SLC30A3: variants seen among roughly 807,000 people sequenced by gnomAD.
SLC30A3 encodes the protein probable proton-coupled zinc antiporter SLC30A3.
A neutral mutation model predicts 35.6 loss-of-function variants in SLC30A3; 20 were observed. The ratio of observed to expected loss-of-function variants is 0.56; its 90% CI spans 0.39 to 0.82. The LOEUF (loss-of-function observed/expected upper bound fraction) is 0.82, where lower values mean the gene tolerates loss of function less well. Among genes scored for constraint, SLC30A3 ranks in the 40% least tolerant of loss-of-function variants. The pLI, the probability that SLC30A3 is intolerant of heterozygous loss-of-function variation, is 0.00. For missense variants in SLC30A3, 401 were observed against 530.6 expected (o/e 0.76, Z 2.40); for synonymous variants, 217 against 224.7 (o/e 0.97, Z 0.31).
chr2:27,263,989 C>G (rs1677363873), upstream of SLC30A3: 1 of 1,271,062 alleles, frequency 7.9e-7, no homozygotes, highest in African/African-American at 1.5e-5. Context: ...AAACTAAAAC[C>G]CAGGGGAGGG....
Position 27,256,818 on chromosome 2 carries a change from G to A in SLC30A3, c.853C>T (p.Leu285Phe). 1 of 1,606,106 alleles carries A rather than the reference G, an allele frequency of 6.2e-7. No individual in the cohort carries two copies. Among genetic ancestry groups the A allele is most frequent in the Non-Finnish European group, 8.5e-7 (1 of 1,178,018 alleles). The change falls in exon 6 of 8, where the codon CTC becomes TTC. Residue 285 changes from leucine to phenylalanine, a missense_variant. By Grantham distance (22) the Leu-to-Phe change is conservative. This residue lies in a region of SLC30A3 where 296 missense variants were observed against 392.6 expected (regional missense o/e 0.75). Coordinates refer to ENST00000233535, the MANE Select transcript of SLC30A3 (RefSeq NM_003459.5). ...ICALGSTAPTLRDVLRILMEG... is the reference protein window; with the variant it reads ...ICALGSTAPTFRDVLRILMEG... ...ATGAGGATTCGAAGAACGTCTCGGA[G>A]GGTGGGAGCGGTGGATCCAAGGGCA...
At chr2:27,275,049 G>A in intron 1 of SLC30A3, 1 of 462,164 alleles carries the variant, frequency 2.2e-6, no homozygotes, top group Non-Finnish European at 4.1e-6. Flanking sequence ...GGGCATATGA[G>A]TTGGGTCTTC....
Position 27,257,023 on chromosome 2 carries a change from G to T in SLC30A3, c.778-130C>A. ...AGAGGGGACAGGGAACATGACTCAT[G>T]TCTGGGAGAGTCCTGGGAGGTGGGA... On this transcript the variant is annotated intron_variant, in intron 5 of 7. Coordinates refer to ENST00000233535, the MANE Select transcript of SLC30A3 (RefSeq NM_003459.5). This position sits in a 1 kb window ranked among gnomAD's most constrained non-coding sequence, Gnocchi z 4.7. 8.7e-7 allele frequency: 1 copy of T among 1,144,584 alleles called. No homozygotes were observed. The highest frequency in any genetic ancestry group is 1.3e-6 in the Non-Finnish European group (1 of 765,398). 70.9% of individuals were successfully genotyped at this position (1,144,584 alleles called of 1,614,324 possible).
Position 27,262,642 on chromosome 2 carries a change from A to G in SLC30A3, c.95+170T>C, listed in dbSNP as rs1677268080. On this transcript the variant is annotated intron_variant, in intron 1 of 7. Transcript: ENST00000233535. This position sits in a 1 kb window ranked among gnomAD's most constrained non-coding sequence, Gnocchi z 7.5. ...CGGGAGGAGGCGTAGCCGGCTGTGT[A>G]GGGCTGGGCGCTCCGTGTGGCCAGA... Among the ~76,000 whole-genome samples the G allele has an allele frequency of 6.6e-6, 1 of 152,076 alleles. No homozygotes were observed. The highest frequency in any genetic ancestry group is 2.4e-5 in the African/African-American group (1 of 41,426).
upstream of SLC30A3, among the ~76,000 whole-genome samples, chr2:27,267,471 T>C (rs1375285729): frequency 1.3e-5 from 2 of 152,188 alleles, no homozygotes; most frequent in African/African-American, 4.8e-5. Context: ...CCTGGCCTTC[T>C]TGTGAGTCCT....
At chr2:27,259,713 T>C (rs1033587616) in intron 1 of SLC30A3, among the ~76,000 whole-genome samples, 1 of 152,156 alleles carries the variant, frequency 6.6e-6, no homozygotes, top group African/African-American at 2.4e-5. Context: ...GGGGGACACA[T>C]GGAGGCCAAC....
rs1572482466 is a variant in SLC30A3 at position 27,262,993 on chromosome 2, C to G, written c.-87G>C. On this transcript the variant is annotated 5_prime_UTR_variant, in exon 1 of 8. Coordinates refer to ENST00000233535, the MANE Select transcript of SLC30A3 (RefSeq NM_003459.5). This position sits in a 1 kb window ranked among gnomAD's most constrained non-coding sequence, Gnocchi z 7.5. ...GCCAAGTCCGAGCAGCCCGCCGACC[C>G]CCGGGATCCCCGCAGGGCGGCGGGG... 40 of 1,420,348 alleles carry G rather than the reference C, an allele frequency of 2.8e-5. 1 individual carries two copies. The South Asian group carries it at 4.7e-4, about 17-fold the overall frequency. The allele number at this position is 1,420,348 out of a possible 1,614,324, so 88.0% of individuals were successfully genotyped here.
Position 27,255,529 on chromosome 2 carries a change from A to G in SLC30A3, c.1019-69T>C. The G allele has an allele frequency of 2.6e-6, 4 of 1,555,402 alleles. No individual in the cohort carries two copies. The highest frequency in any genetic ancestry group is 2.6e-6 in the Non-Finnish European group (3 of 1,140,170). ...AGAACAGGCAGGGACTGAGATAAGG[A>G]CAGGGAAAGGGGCTGCACAGCATTA... On this transcript the variant is annotated intron_variant, in intron 7 of 7. Coordinates refer to ENST00000233535, the MANE Select transcript of SLC30A3 (RefSeq NM_003459.5). This position sits in a 1 kb window ranked among gnomAD's most constrained non-coding sequence, Gnocchi z 5.2.
chr2:27,275,568 C>A (rs1677986308), upstream of SLC30A3: 2 of 307,952 alleles, frequency 6.5e-6, no homozygotes, highest in Non-Finnish European at 1.3e-5. Context: ...AGGGCCAGAC[C>A]CAGGTGAGGA....
At chr2:27,269,515 C>CT (rs892439142) in intron 1 of SLC30A3, among the ~76,000 whole-genome samples, 2 of 151,830 alleles carry the variant, frequency 1.3e-5, no homozygotes, top group Non-Finnish European at 2.9e-5. Context: ...CCTTTCTTTT[C>CT]TTTTTTTACA....
In SLC30A3 at chr2:27,258,197, CTGGACGGGTGGA is replaced by C; in HGVS notation, c.376_387del (p.Ser126_Pro129del). 6.3e-7 allele frequency: 1 copy of C among 1,598,142 alleles called. No homozygotes were observed. Among genetic ancestry groups the C allele is most frequent in the Non-Finnish European group, 8.5e-7 (1 of 1,170,708 alleles). On this transcript the variant is annotated inframe_deletion, in exon 3 of 8. Transcript: ENST00000233535. This position sits in a 1 kb window ranked among gnomAD's most constrained non-coding sequence, Gnocchi z 4.0. Reference sequence around the variant, plus strand: ...CAGCCAAAGGTCATGGTGCGGGTGGCTGGACGGGTGGAGAGCCAGAGGGAGAAGAGGCTGCCC... The same window carrying C: ...CAGCCAAAGGTCATGGTGCGGGTGGCGAGCCAGAGGGAGAAGAGGCTGCCC...
In SLC30A3 at chr2:27,262,951, G is replaced by C. The variant is rs767789071; in HGVS notation, c.-45C>G. The C allele has an allele frequency of 2.0e-6, 3 of 1,476,742 alleles. No individual in the cohort carries two copies. The highest frequency in any genetic ancestry group is 2.7e-6 in the Non-Finnish European group (3 of 1,124,430). The allele number at this position is 1,476,742 out of a possible 1,614,324, so 91.5% of individuals were successfully genotyped here. On this transcript the variant is annotated 5_prime_UTR_variant, in exon 1 of 8. Transcript: ENST00000233535. The surrounding 1 kb of genome is among the most constrained non-coding windows in gnomAD (Gnocchi z 7.5). The stretch of plus-strand genomic sequence containing the variant: ...TCTAGGCCCCACCGAGGAAGAGAGA[G>C]GCCGGGCCGGCCCCGCGCCAAGTCC...
upstream of SLC30A3, chr2:27,263,207 A>G (rs1174177844): frequency 2.4e-6 from 2 of 829,100 alleles, no homozygotes; most frequent in African/African-American, 4.4e-5. Flanking sequence ...AGAGCCCGGG[A>G]GCGCCCCGCC....
At position 27,257,301 on chromosome 2, in the gene SLC30A3, C is replaced by G; in HGVS notation, c.630G>C (p.Arg210Ser). The G allele has an allele frequency of 6.2e-7, 1 of 1,613,888 alleles. No individual in the cohort carries two copies. Among genetic ancestry groups the G allele is most frequent in the Non-Finnish European group, 8.5e-7 (1 of 1,179,908 alleles). Residue 210 changes from arginine (R) to serine (S), a missense_variant, in exon 5 of 8, where the codon AGG (arginine) becomes AGC (serine). Physicochemically the swap from Arg to Ser is moderately radical, Grantham distance 110. Around this residue, in one of 3 missense-constraint regions of SLC30A3, gnomAD observed 296 missense variants for 392.6 expected, o/e 0.75. Transcript: ENST00000233535. The surrounding 1 kb of genome is among the most constrained non-coding windows in gnomAD (Gnocchi z 4.7). Reference protein sequence around the residue: ...QAGPPHSHGSRGAEYAPLEEG... With the variant: ...QAGPPHSHGSSGAEYAPLEEG... ...CCTCCAGCGGTGCATACTCTGCTCC[C>G]CTAGACCCGTGGCTGTGGGGGGGCC... is the stretch of plus-strand genomic sequence containing the variant.
At chr2:27,269,713 C>G (rs1159772331) in intron 1 of SLC30A3, among the ~76,000 whole-genome samples, 1 of 151,828 alleles carries the variant, frequency 6.6e-6, no homozygotes, top group African/African-American at 2.4e-5. Flanking sequence ...TCAGAATTAG[C>G]CAGGCATGGT....
Position 27,257,343 on chromosome 2 carries a change from A to G in SLC30A3, c.588T>C (p.Phe196=). 6.2e-7 allele frequency: 1 copy of G among 1,611,656 alleles called. No individual in the cohort carries two copies. The highest frequency in any genetic ancestry group is 8.5e-7 in the Non-Finnish European group (1 of 1,179,050). The change falls in exon 5 of 8, where the codon TTT becomes TTC. Residue 196 remains phenylalanine, a synonymous_variant. Coordinates refer to ENST00000233535, the MANE Select transcript of SLC30A3 (RefSeq NM_003459.5). This position sits in a 1 kb window ranked among gnomAD's most constrained non-coding sequence, Gnocchi z 4.7. Reference sequence around the variant, plus strand: ...GGGGGGGCCCAGCCTGGTGCAGCACAAAGGCCATTCTGAGGGGTAAGCAGA... The same window carrying G: ...GGGGGGGCCCAGCCTGGTGCAGCACGAAGGCCATTCTGAGGGGTAAGCAGA... ...IAVCANLLMA[F]VLHQAGPPHS...
upstream of SLC30A3, among the ~76,000 whole-genome samples, chr2:27,265,520 T>A (rs1046103933): frequency 6.6e-5 from 10 of 152,116 alleles, no homozygotes; most frequent in Non-Finnish European, 1.0e-4. The surrounding 1 kb of genome is among the most constrained non-coding windows in gnomAD (Gnocchi z 5.9). Context: ...TTCAGGCAAA[T>A]TTTAAAATGT....
intron 6 of SLC30A3, 82 bp from the exon 7 acceptor site, chr2:27,256,602 C>A: frequency 6.3e-7 from 1 of 1,576,914 alleles, no homozygotes; most frequent in Non-Finnish European, 8.7e-7. Context: ...TTCCACCTCC[C>A]CTATCCTGTA....
intron 1 of SLC30A3, among the ~76,000 whole-genome samples, chr2:27,259,636 AGCCACC>A (rs1347097009): frequency 6.6e-6 from 1 of 151,256 alleles, no homozygotes; most frequent in Non-Finnish European, 1.5e-5. Context: ...TATAGGTGTG[AGCCACC>A]GCACCCGGCT....
Sources: allele counts gnomAD v4.1 joint callset (sites outside exome capture counted in the v4.1 genomes callset), GRCh38; gene constraint gnomAD v4.1.1; regional missense constraint gnomAD v4.1.1; non-coding constraint Gnocchi (gnomAD v3.1); transcripts MANE v1.5; gene names NCBI Gene and HGNC (gene_info 2026-07-23, HGNC 2026-07-21).